NPRL3: variants seen among roughly 807,000 people sequenced by gnomAD.
NPRL3 encodes NPR3 like, GATOR1 complex subunit, also known as GATOR1 complex protein NPRL3.
In NPRL3, 23 loss-of-function variants were observed where a neutral mutation model predicts 57.2. That is an observed-to-expected ratio of 0.40 (90% confidence interval 0.29 to 0.57). NPRL3 has a LOEUF of 0.57. Among genes scored for constraint, NPRL3 ranks in the 20% least tolerant of loss-of-function variants. The probability of loss-of-function intolerance (pLI) is 0.42; values close to 1 mark genes in which losing one functional copy is unlikely to be tolerated. For synonymous variants in NPRL3, 333 were observed against 321.1 expected (o/e 1.04, Z -0.39); for missense variants, 691 against 767.1 (o/e 0.90, Z 1.17).
chr16:131,402 C>G (rs1433650071), intron 2 of NPRL3, among the ~76,000 whole-genome samples: 3 of 131,294 alleles, frequency 2.3e-5, no homozygotes, highest in Non-Finnish European at 4.7e-5. Context: ...TGGTGTGAAC[C>G]CGGGAAGCAG....
chr16:103,296 A>ATTTTTTT (rs533871530), intron 7 of NPRL3, among the ~76,000 whole-genome samples: 1,280 of 42,112 alleles, frequency 0.03, 366 homozygotes, highest in African/African-American at 0.045. Context: ...GCCTGGGGTG[A>ATTTTTTT]TTTTTTTTTT....
chr16:89,918 G>T lies in NPRL3; in HGVS notation c.1162-16C>A, dbSNP rs1367670367. ...TGAGCTGGGTCTGCGGGTGGCAGCAGGTGAGGCTGGTCCCCCTCCCCACTC... is the reference window on the plus strand; with the variant it reads ...TGAGCTGGGTCTGCGGGTGGCAGCATGTGAGGCTGGTCCCCCTCCCCACTC... On this transcript the variant is annotated splice_polypyrimidine_tract_variant and intron_variant, in intron 11 of 13. Transcript: ENST00000611875. The T allele has an allele frequency of 1.3e-6, 2 of 1,539,994 alleles. No homozygotes were observed. Among genetic ancestry groups the T allele is most frequent in the East Asian group, 5.0e-5 (2 of 39,910 alleles).
chr16:103,296 A>ATT lies in NPRL3; in HGVS notation c.630-2789_630-2788dup, dbSNP rs533871530. On this transcript the variant is annotated intron_variant, in intron 7 of 13. Transcript: ENST00000611875. ...GACGTGCAACATCACGCCTGGGGTG[A>ATT]TTTTTTTTTTTTTTTTTTTTTTTTT... 5.0e-4 allele frequency among the ~76,000 whole-genome samples: 21 copies of ATT among 42,126 alleles called. 2 individuals carry two copies. The highest frequency in any genetic ancestry group is 1.4e-3 in the East Asian group (2 of 1,446). 27.6% of individuals were successfully genotyped at this position (42,126 alleles called of 152,430 possible). A position where few individuals can be genotyped will look rare whatever the true frequency, so the allele number is the denominator to read the frequency against.
At chr16:115,900 G>A (rs1318507924) in intron 5 of NPRL3, among the ~76,000 whole-genome samples, 1 of 152,182 alleles carries the variant, frequency 6.6e-6, no homozygotes, top group Non-Finnish European at 1.5e-5. Context: ...TCACCACATT[G>A]TTTAATCACT....
chr16:93,307 G>A lies in NPRL3; in HGVS notation c.943C>T (p.His315Tyr), dbSNP rs772044858. The change falls in exon 10 of 14, where the codon CAT (histidine) becomes TAT (tyrosine). Residue 315 changes from histidine (H) to tyrosine (Y), a missense_variant. Coordinates refer to ENST00000611875, the MANE Select transcript of NPRL3 (RefSeq NM_001077350.3). Reference protein sequence around the residue: ...ALLQVFQLAAHLVYWGKAIII... With the variant: ...ALLQVFQLAAYLVYWGKAIII... ...ATGGCCTTGCCCCAGTACACCAGATGAGCTGCAAGCTGGAAAACCTGCAGG... is the reference window on the plus strand; with the variant it reads ...ATGGCCTTGCCCCAGTACACCAGATAAGCTGCAAGCTGGAAAACCTGCAGG... 2.9e-5 allele frequency: 45 copies of A among 1,557,094 alleles called. No individual in the cohort carries two copies. The highest frequency in any genetic ancestry group is 3.9e-5 in the Non-Finnish European group (45 of 1,150,180).
At chr16:110,490 A>G (rs1411674380) in intron 7 of NPRL3, 35 bp downstream of exon 7, 1 of 1,570,044 alleles carries the variant, frequency 6.4e-7, no homozygotes, top group East Asian at 2.3e-5. Context: ...CTGGCCCATA[A>G]GAAGGAGGTT....
chr16:123,549 A>G (rs937354479), intron 3 of NPRL3: 4 of 470,994 alleles, frequency 8.5e-6, no homozygotes, highest in Non-Finnish European at 1.8e-5. Flanking sequence ...TGGCTCGCTG[A>G]AATGGGAACA....
chr16:137,677 G>A (rs12923013), intron 2 of NPRL3, among the ~76,000 whole-genome samples: 4,687 of 151,822 alleles, frequency 0.031, 89 homozygotes, highest in African/African-American at 0.039. Context: ...AGCCTCCCAA[G>A]TAGCTAGGAT....
chr16:87,523 C>T (rs1225255593), intron 13 of NPRL3, among the ~76,000 whole-genome samples: 2 of 141,832 alleles, frequency 1.4e-5, no homozygotes, highest in Non-Finnish European at 3.0e-5. Context: ...AACCGTGAGC[C>T]ACTGTGCCCA....
intron 3 of NPRL3, among the ~76,000 whole-genome samples, chr16:121,281 G>A (rs988629851): frequency 1.3e-5 from 2 of 152,146 alleles, no homozygotes; most frequent in Non-Finnish European, 2.9e-5. Flanking sequence ...CCTGCTAGAG[G>A]CCAGGGTCTG....
At chr16:123,967 C>T (rs1302799130) in intron 3 of NPRL3, among the ~76,000 whole-genome samples, 5 of 266 alleles carry the variant, frequency 0.019, 2 homozygotes, top group African/African-American at 0.18. Context: ...CACTCCCCAC[C>T]GCTGAGAAAC....
chr16:98,924 G>A (rs916358623), intron 8 of NPRL3, among the ~76,000 whole-genome samples: 2 of 152,144 alleles, frequency 1.3e-5, no homozygotes, highest in Non-Finnish European at 2.9e-5. Flanking sequence ...GCGACAGAGT[G>A]AGACTCTGTC....
chr16:92,923 T>C (rs1478484646), intron 10 of NPRL3, 198 bp from the exon 11 acceptor site: 1 of 656,626 alleles, frequency 1.5e-6, no homozygotes, highest in South Asian at 1.9e-5. Flanking sequence ...GCAGGAGCCA[T>C]GGGCACAGTT....
chr16:95,376 C>T (rs1364617438), intron 9 of NPRL3, among the ~76,000 whole-genome samples: 4 of 109,162 alleles, frequency 3.7e-5, no homozygotes, highest in Admixed American at 1.0e-4. Context: ...CACACACACA[C>T]ACACACACAA....
chr16:124,467 C>T (rs1487830136), intron 3 of NPRL3, among the ~76,000 whole-genome samples: 1 of 152,056 alleles, frequency 6.6e-6, no homozygotes, highest in South Asian at 2.1e-4. Context: ...TCCCAAAGTA[C>T]TGGGATTACA....
At chr16:88,960 C>T (rs747762124) in intron 12 of NPRL3, 70 bp from the exon 13 acceptor site, 5 of 1,414,204 alleles carry the variant, frequency 3.5e-6, no homozygotes, top group Non-Finnish European at 4.9e-6. Context: ...GAGGGCAGAG[C>T]CAGCAGCCAG....
rs1441663466 is a variant in NPRL3 at position 86,285 on chromosome 16, G to A, written c.*420C>T. On this transcript the variant is annotated 3_prime_UTR_variant, in exon 14 of 14. Coordinates refer to ENST00000611875, the MANE Select transcript of NPRL3 (RefSeq NM_001077350.3). The stretch of plus-strand genomic sequence containing the variant: ...GAAGGCTGTCAGAGAGACAGGGACA[G>A]GCCACACAAGTGTTTCTGCACATTC... The A allele has an allele frequency of 1.5e-5, 3 of 195,160 alleles. No homozygotes were observed. Among genetic ancestry groups the A allele is most frequent in the Admixed American group, 1.1e-4 (2 of 18,476 alleles). The allele number at this position is 195,160 out of a possible 1,614,324, so 12.1% of individuals were successfully genotyped here. A position where few individuals can be genotyped will look rare whatever the true frequency, so the allele number is the denominator to read the frequency against.
intron 11 of NPRL3, 148 bp downstream of exon 11, chr16:92,448 C>G (rs1898800280): frequency 1.0e-6 from 1 of 973,550 alleles, no homozygotes; most frequent in African/African-American, 1.6e-5. Flanking sequence ...TCCTGCTGGG[C>G]ACGTAGCACT....
Position 86,642 on chromosome 16 carries a change from T to C in NPRL3, c.*63A>G. The C allele has an allele frequency of 6.8e-7, 1 of 1,475,368 alleles. No individual in the cohort carries two copies. Among genetic ancestry groups the C allele is most frequent in the Non-Finnish European group, 9.1e-7 (1 of 1,099,370 alleles). 91.4% of individuals were successfully genotyped at this position (1,475,368 alleles called of 1,614,324 possible). On this transcript the variant is annotated 3_prime_UTR_variant, in exon 14 of 14. Coordinates refer to ENST00000611875, the MANE Select transcript of NPRL3 (RefSeq NM_001077350.3). Reference sequence around the variant, plus strand: ...CTCAGCCTCAGCACGGGGGGAGCCCTGGGGTGGGGAGACGCGAGCGCCCAC... The same window carrying C: ...CTCAGCCTCAGCACGGGGGGAGCCCCGGGGTGGGGAGACGCGAGCGCCCAC...
Sources: gnomAD v4.1 joint callset for allele counts (sites outside exome capture counted in the v4.1 genomes callset) on GRCh38, gnomAD v4.1.1 for gene constraint, MANE v1.5 for transcripts, NCBI Gene and HGNC (gene_info 2026-07-23, HGNC 2026-07-21) for gene names.